Variants in PPP3CC observed in about 807,000 individuals in gnomAD.
The protein encoded by PPP3CC is protein phosphatase 3 catalytic subunit gamma, also known as serine/threonine-protein phosphatase 2B catalytic subunit gamma isoform.
A neutral mutation model predicts 60.3 loss-of-function variants in PPP3CC; 35 were observed. The observed-to-expected ratio is 0.58, with a 90% CI of 0.44 to 0.77. PPP3CC has a LOEUF of 0.77. PPP3CC is among the 30% of genes least tolerant of loss of function. The pLI is 0.00. For missense variants in PPP3CC, 570 were observed against 628.9 expected (o/e 0.91, Z 1.00); for synonymous variants, 206 against 224.3 (o/e 0.92, Z 0.73).
At chr8:22,482,605 T>C (rs188923075) in intron 3 of PPP3CC, among the ~76,000 whole-genome samples, 1 of 152,354 alleles carries the variant, frequency 6.6e-6, no homozygotes, top group East Asian at 1.9e-4. Flanking sequence ...TTGAAGTCTT[T>C]GCCCATGCCT....
At chr8:22,533,345 C>T (rs753771749) in intron 12 of PPP3CC, among the ~76,000 whole-genome samples, 2 of 152,166 alleles carry the variant, frequency 1.3e-5, no homozygotes, top group African/African-American at 2.4e-5. Context: ...AAGAACTTCT[C>T]TTCTTAAAAA....
intron 3 of PPP3CC, among the ~76,000 whole-genome samples, chr8:22,486,180 T>C (rs141125041): frequency 8.9e-4 from 135 of 152,168 alleles, no homozygotes; most frequent in African/African-American, 3.0e-3. Flanking sequence ...GTTGGAAAAA[T>C]AGGTTTATAG....
chr8:22,455,423 T>C (rs559848418), intron 1 of PPP3CC, among the ~76,000 whole-genome samples: 2 of 152,228 alleles, frequency 1.3e-5, no homozygotes, highest in Non-Finnish European at 2.9e-5. Context: ...ATGTTTAATC[T>C]GACTGTGACT....
At chr8:22,465,620 A>G (rs987804089) in intron 1 of PPP3CC, among the ~76,000 whole-genome samples, 3 of 152,156 alleles carry the variant, frequency 2.0e-5, no homozygotes, top group South Asian at 2.1e-4. Flanking sequence ...CCCTTCCACT[A>G]TGGGATGATG....
intron 4 of PPP3CC, among the ~76,000 whole-genome samples, chr8:22,500,349 A>G (rs1480743849): frequency 6.6e-6 from 1 of 152,122 alleles, no homozygotes; most frequent in African/African-American, 2.4e-5. Context: ...AATCCTGAAT[A>G]TATAAATATA....
intron 3 of PPP3CC, among the ~76,000 whole-genome samples, chr8:22,490,987 A>G (rs1838388385): frequency 1.3e-5 from 2 of 152,154 alleles, no homozygotes; most frequent in African/African-American, 4.8e-5. Flanking sequence ...GATAAGATAT[A>G]TCCAGGTTAC....
intron 4 of PPP3CC, among the ~76,000 whole-genome samples, chr8:22,498,361 T>C (rs1838652461): frequency 1.3e-5 from 2 of 152,146 alleles, no homozygotes; most frequent in South Asian, 4.1e-4. Context: ...CTAAAGAAGA[T>C]AAAAGTGTCC....
intron 3 of PPP3CC, among the ~76,000 whole-genome samples, chr8:22,481,344 T>TAAAAAA (rs1273430214): frequency 1.2e-5 from 1 of 80,034 alleles, no homozygotes; most frequent in African/African-American, 4.8e-5. Context: ...TCAAGAAAAA[T>TAAAAAA]AAATAATAAT....
At chr8:22,480,721 C>T (rs1324133086) in intron 3 of PPP3CC, among the ~76,000 whole-genome samples, 1 of 152,084 alleles carries the variant, frequency 6.6e-6, no homozygotes, top group Admixed American at 6.6e-5. Flanking sequence ...TCAGGTGATC[C>T]ACCTGCCTCA....
chr8:22,443,519 T>TAAA (rs5890033), intron 1 of PPP3CC, among the ~76,000 whole-genome samples: 4 of 103,670 alleles, frequency 3.9e-5, no homozygotes, highest in African/African-American at 7.3e-5. Flanking sequence ...AAACTCTCTC[T>TAAA]AAAAAAAAAA....
chr8:22,475,657 A>G, intron 3 of PPP3CC, 33 bp downstream of exon 3: 1 of 1,536,542 alleles, frequency 6.5e-7, no homozygotes, highest in Non-Finnish European at 8.8e-7. Context: ...TGGGACTATT[A>G]TATTGTCTTT....
chr8:22,464,841 A>G (rs1554529734), intron 1 of PPP3CC, among the ~76,000 whole-genome samples: 1 of 152,182 alleles, frequency 6.6e-6, no homozygotes, highest in Non-Finnish European at 1.5e-5. Context: ...TATTGACCAT[A>G]TACCCACTTT....
At chr8:22,477,116 C>G (rs1837912572) in intron 3 of PPP3CC, among the ~76,000 whole-genome samples, 1 of 152,108 alleles carries the variant, frequency 6.6e-6, no homozygotes, top group African/African-American at 2.4e-5. Flanking sequence ...TCCTTGCAGA[C>G]TGTATCATTG....
intron 6 of PPP3CC, among the ~76,000 whole-genome samples, chr8:22,514,671 G>GT (rs200888236): frequency 5.1e-4 from 64 of 124,608 alleles, no homozygotes; most frequent in East Asian, 7.0e-4. Context: ...ATTTTTTGTT[G>GT]TTTTTTTTTT....
intron 1 of PPP3CC, among the ~76,000 whole-genome samples, chr8:22,455,580 C>T (rs1018385920): frequency 1.3e-5 from 2 of 152,158 alleles, no homozygotes; most frequent in African/African-American, 2.4e-5. Flanking sequence ...TGGGCTTCTC[C>T]ATGGAAGCAA....
intron 6 of PPP3CC, among the ~76,000 whole-genome samples, chr8:22,522,130 C>T (rs1038450301): frequency 1.8e-5 from 2 of 108,610 alleles, no homozygotes; most frequent in African/African-American, 8.3e-5. Context: ...GCATCTACTA[C>T]ACACACACGC....
chr8:22,516,270 T>C (rs1199636388), intron 6 of PPP3CC, among the ~76,000 whole-genome samples: 1 of 152,208 alleles, frequency 6.6e-6, no homozygotes, highest in Non-Finnish European at 1.5e-5. Flanking sequence ...TGCCAACTTT[T>C]CCAGTGACTA....
intron 6 of PPP3CC, among the ~76,000 whole-genome samples, chr8:22,514,230 A>G: frequency 6.8e-6 from 1 of 146,876 alleles, no homozygotes; most frequent in South Asian, 2.2e-4. Context: ...CCTGTGCAAC[A>G]GAGCAAGACT....
At chr8:22,446,081 A>C (rs1255033661) in intron 1 of PPP3CC, among the ~76,000 whole-genome samples, 1 of 152,220 alleles carries the variant, frequency 6.6e-6, no homozygotes, top group Non-Finnish European at 1.5e-5. Context: ...TAGGATTAAA[A>C]ATTTTTTTTG....
Sources: allele counts gnomAD v4.1 joint callset (sites outside exome capture counted in the v4.1 genomes callset), GRCh38; gene constraint gnomAD v4.1.1; transcripts MANE v1.5; gene names NCBI Gene and HGNC (gene_info 2026-07-23, HGNC 2026-07-21).